The following ARHGEF4 variants were observed in gnomAD, a reference collection of about 807,000 sequenced individuals.
ARHGEF4 encodes APC-stimulated guanine nucleotide exchange factor 1.
ARHGEF4 carries 119 observed loss-of-function variants against 162.0 expected under a neutral mutation model. The ratio of observed to expected loss-of-function variants is 0.73; its 90% confidence interval spans 0.63 to 0.86. The LOEUF (loss-of-function observed/expected upper bound fraction) is 0.86. ARHGEF4 is among the 40% of genes least tolerant of loss of function. The pLI, the probability that ARHGEF4 is intolerant of heterozygous loss-of-function variation, is 0.00. For synonymous variants in ARHGEF4, 1,014 were observed against 979.9 expected (o/e 1.03, Z -0.65); for missense variants, 2,488 against 2,456.0 (o/e 1.01, Z -0.28).
chr2:130,991,258 G>C (rs1686934150), intron 4 of ARHGEF4, among the ~76,000 whole-genome samples: 1 of 152,248 alleles, frequency 6.6e-6, no homozygotes, highest in Non-Finnish European at 1.5e-5. Context: ...CTGCTTATTA[G>C]CAGTATTGAG....
rs890652240 is a variant in ARHGEF4, at chr2:131,039,553, G to T, written c.4306-463G>T. On this transcript the variant is annotated intron_variant, in intron 6 of 13. Transcript: ENST00000409359. Reference sequence around the variant, plus strand: ...AGGGCGTCCAAGCTGAGGGCCGTCCGGCGGGGAGGTCCCAGGCCCTGGTGT... The same window carrying T: ...AGGGCGTCCAAGCTGAGGGCCGTCCTGCGGGGAGGTCCCAGGCCCTGGTGT... 233 of 1,036,522 alleles carry T rather than the reference G, an allele frequency of 2.2e-4. 1 individual carries two copies. Among genetic ancestry groups the T allele is most frequent in the Non-Finnish European group, 2.6e-4 (226 of 864,446 alleles). The allele number at this position is 1,036,522 out of a possible 1,614,324, so 64.2% of individuals were successfully genotyped here.
At chr2:130,840,185 G>A (rs1558993184) in intron 1 of ARHGEF4, among the ~76,000 whole-genome samples, 1 of 151,890 alleles carries the variant, frequency 6.6e-6, no homozygotes, top group Non-Finnish European at 1.5e-5. Flanking sequence ...GGGACACACA[G>A]GCACACACAC....
At chr2:130,972,304 A>G (rs547531230) in intron 4 of ARHGEF4, among the ~76,000 whole-genome samples, 1 of 152,232 alleles carries the variant, frequency 6.6e-6, no homozygotes, top group Non-Finnish European at 1.5e-5. Flanking sequence ...ATAGTCTACT[A>G]AAGGCCTACT....
intron 1 of ARHGEF4, among the ~76,000 whole-genome samples, chr2:130,853,292 G>C (rs931942770): frequency 4.6e-5 from 7 of 152,188 alleles, no homozygotes; most frequent in African/African-American, 1.7e-4. Flanking sequence ...AGGGAGCCCT[G>C]AGCCTGAGGT....
chr2:130,956,997 A>C (rs1684323149), intron 4 of ARHGEF4, among the ~76,000 whole-genome samples: 1 of 152,122 alleles, frequency 6.6e-6, no homozygotes, highest in Non-Finnish European at 1.5e-5. Context: ...AAATATATAA[A>C]TACATAAAAA....
chr2:130,854,792 G>A lies in ARHGEF4; in HGVS notation c.39+17800G>A, dbSNP rs570775178. 1.7e-4 allele frequency among the ~76,000 whole-genome samples: 26 copies of A among 152,300 alleles called. No homozygotes were observed. In the East Asian group the frequency reaches 2.3e-3, roughly 14 times the overall value. ...CCCCCAGCTCTGTGTTCTGATGCAG[G>A]GCTTCTGCCCAGGGGGAAAGGCAGG... On this transcript the variant is annotated intron_variant, in intron 1 of 13. Transcript: ENST00000409359.
intron 4 of ARHGEF4, among the ~76,000 whole-genome samples, chr2:131,019,849 T>C (rs1035000271): frequency 1.3e-5 from 2 of 152,164 alleles, no homozygotes; most frequent in Admixed American, 6.5e-5. Flanking sequence ...TTAGCCAGGA[T>C]GGTCTCGATT....
chr2:130,946,658 T>TTGC (rs1683639475), intron 4 of ARHGEF4, 23 bp downstream of exon 4: 2 of 1,613,240 alleles, frequency 1.2e-6, no homozygotes, highest in Non-Finnish European at 8.5e-7. Context: ...CCTCTCTCTT[T>TTGC]TGCTATGTAC....
chr2:130,961,655 G>A (rs927405115), intron 4 of ARHGEF4, among the ~76,000 whole-genome samples: 4 of 152,222 alleles, frequency 2.6e-5, no homozygotes, highest in African/African-American at 4.8e-5. Flanking sequence ...TGCTCAGTGG[G>A]TGACACTGAC....
chr2:130,964,038 C>T, intron 4 of ARHGEF4: 1 of 452,090 alleles, frequency 2.2e-6, no homozygotes, highest in Non-Finnish European at 2.9e-6. Flanking sequence ...AGCTCGGGCC[C>T]GCCTGCGTGC....
intron 4 of ARHGEF4, among the ~76,000 whole-genome samples, chr2:130,991,190 A>G (rs1261204108): frequency 6.6e-6 from 1 of 152,220 alleles, no homozygotes; most frequent in East Asian, 1.9e-4. Context: ...ATTTAAAGCA[A>G]TGAGAGAGAT....
At chr2:131,020,987 C>T (rs1288276413) in intron 4 of ARHGEF4, among the ~76,000 whole-genome samples, 2 of 152,122 alleles carry the variant, frequency 1.3e-5, no homozygotes, top group Non-Finnish European at 1.5e-5. Flanking sequence ...TAAATGTCTT[C>T]GTTTGAGAAG....
chr2:131,037,033 C>A (rs1333676830), intron 5 of ARHGEF4, among the ~76,000 whole-genome samples: 1 of 152,168 alleles, frequency 6.6e-6, no homozygotes. Flanking sequence ...TGCAGAAGGT[C>A]TTTGTGGCTG....
At chr2:130,889,332 T>C (rs1679717294) in intron 1 of ARHGEF4, among the ~76,000 whole-genome samples, 1 of 152,044 alleles carries the variant, frequency 6.6e-6, no homozygotes, top group Non-Finnish European at 1.5e-5. Flanking sequence ...TTTTAAATGG[T>C]CCTAGATGTT....
chr2:131,009,146 T>G (rs995379932), intron 4 of ARHGEF4, among the ~76,000 whole-genome samples: 6 of 152,260 alleles, frequency 3.9e-5, no homozygotes, highest in African/African-American at 1.4e-4. Flanking sequence ...GACATTGTGG[T>G]GGTGTCCTGT....
chr2:130,918,539 G>T (rs945368688), intron 2 of ARHGEF4, among the ~76,000 whole-genome samples: 1 of 152,206 alleles, frequency 6.6e-6, no homozygotes, highest in South Asian at 2.1e-4. Flanking sequence ...CACCCCACGC[G>T]GTGGCCTCTC....
intron 3 of ARHGEF4, among the ~76,000 whole-genome samples, chr2:130,935,711 C>T (rs1261487525): frequency 1.3e-5 from 2 of 152,146 alleles, no homozygotes; most frequent in Non-Finnish European, 2.9e-5. Flanking sequence ...TTTCCATTCT[C>T]CTATTGACAT....
chr2:130,849,234 G>C (rs192410130), intron 1 of ARHGEF4, among the ~76,000 whole-genome samples: 7 of 152,372 alleles, frequency 4.6e-5, no homozygotes, highest in African/African-American at 1.7e-4. Context: ...TGATGAAAAA[G>C]CTGGGGAGCG....
rs1362474439 is a variant in ARHGEF4 at position 130,915,309 on chromosome 2, C to T, written c.1363C>T (p.Pro455Ser). 1 of 1,550,550 alleles carries T rather than the reference C, an allele frequency of 6.4e-7. No individual in the cohort carries two copies. Among genetic ancestry groups the T allele is most frequent in the East Asian group, 2.4e-5 (1 of 40,932 alleles). ...ELVKLSAEEVPEPAECKSEQS... is the reference protein window; with the variant it reads ...ELVKLSAEEVSEPAECKSEQS... ...AGTGAAGCTCAGTGCAGAGGAAGTG[C>T]CTGAGCCCGCTGAGTGCAAGTCAGA... Residue 455 changes from proline (P) to serine (S), a missense_variant, in exon 2 of 14, where the codon CCT becomes TCT. Coordinates refer to ENST00000409359, the MANE Select transcript of ARHGEF4 (RefSeq NM_001367493.1).
Sources: allele counts gnomAD v4.1 joint callset (sites outside exome capture counted in the v4.1 genomes callset), GRCh38; gene constraint gnomAD v4.1.1; transcripts MANE v1.5; gene names NCBI Gene and HGNC (gene_info 2026-07-23, HGNC 2026-07-21).